Variants in HK1 observed in about 807,000 individuals in gnomAD.
HK1 encodes hexokinase-1.
A neutral mutation model predicts 91.6 loss-of-function variants in HK1; 28 were observed. The observed-to-expected ratio is 0.31, with a 90% CI of 0.23 to 0.42. HK1 has a LOEUF of 0.42. Ranked by LOEUF, HK1 falls within the 10% of genes least tolerant of loss-of-function variation. The pLI is 1.00. For missense variants in HK1, 770 were observed against 1,219.8 expected (o/e 0.63, Z 5.49); for synonymous variants, 430 against 468.1 (o/e 0.92, Z 1.05).
At chr10:69,353,344 T>C (rs1848974081) in intron 2 of HK1, among the ~76,000 whole-genome samples, 1 of 152,148 alleles carries the variant, frequency 6.6e-6, no homozygotes, top group African/African-American at 2.4e-5. Flanking sequence ...ATCCCAGCAT[T>C]TTGGGAGGCC....
rs113783164 is a variant in HK1, at chr10:69,289,928, C to T, written c.-115+1158C>T. Among the ~76,000 whole-genome samples the T allele has an allele frequency of 3.6e-3, 541 of 151,954 alleles. 5 individuals carry two copies. The highest frequency in any genetic ancestry group is 0.012 in the African/African-American group (502 of 41,426). On this transcript the variant is annotated intron_variant, in intron 3 of 21. Coordinates refer to the HK1 transcript ENST00000360289. ...AGCCACTGTGCCCAGCCCAGAAGCC[C>T]GTTCTTACATCTTAAAGAGCTTTGA...
intron 1 of HK1, among the ~76,000 whole-genome samples, chr10:69,334,908 A>T (rs1219616599): frequency 6.6e-6 from 1 of 152,024 alleles, no homozygotes; most frequent in Non-Finnish European, 1.5e-5. Context: ...GGATCATGGC[A>T]TGTGCTCCTG....
At chr10:69,374,420 C>T (rs930912246) in intron 7 of HK1, among the ~76,000 whole-genome samples, 4 of 152,330 alleles carry the variant, frequency 2.6e-5, no homozygotes, top group South Asian at 2.1e-4. Context: ...GTCTGACTGC[C>T]GAGACACCTG....
chr10:69,286,811 G>A (rs1845053844), intron 2 of HK1, among the ~76,000 whole-genome samples: 4 of 152,070 alleles, frequency 2.6e-5, no homozygotes, highest in Non-Finnish European at 4.4e-5. Flanking sequence ...GCCTCCCAAC[G>A]TGCTGGGATT....
rs115615811 is a variant in HK1, at chr10:69,278,301, A to G, written c.-390-4228A>G. Among the ~76,000 whole-genome samples, 733 of 152,274 alleles carry G rather than the reference A, an allele frequency of 4.8e-3. 12 individuals carry two copies. Among genetic ancestry groups the G allele is most frequent in the African/African-American group, 0.017 (710 of 41,542 alleles). ...TGCCTGGCTGGCTTTCCTTGAGAAT[A>G]TGTATATTTAATCTGTATTTTGTCT... On this transcript the variant is annotated intron_variant, in intron 1 of 21. Coordinates refer to the HK1 transcript ENST00000360289.
intron 15 of HK1, 82 bp from the exon 16 acceptor site, chr10:69,394,868 C>T (rs980983674): frequency 7.9e-6 from 11 of 1,393,310 alleles, no homozygotes; most frequent in Admixed American, 5.1e-5. Context: ...CAGTAGGAGA[C>T]GCGGAGTGAC....
At chr10:69,321,658 G>T (rs2132577738) in intron 1 of HK1, among the ~76,000 whole-genome samples, 1 of 152,332 alleles carries the variant, frequency 6.6e-6, no homozygotes, top group East Asian at 1.9e-4. Context: ...AAGTTTTTGG[G>T]ATTGCTTAGA....
At chr10:69,327,824 A>G (rs1217664044) in intron 1 of HK1, among the ~76,000 whole-genome samples, 1 of 152,214 alleles carries the variant, frequency 6.6e-6, no homozygotes, top group Middle Eastern at 3.2e-3. Context: ...AGCTGTGTTT[A>G]AAATTAGCCC....
intron 1 of HK1, among the ~76,000 whole-genome samples, chr10:69,278,287 C>T (rs1205421472): frequency 3.3e-5 from 5 of 152,204 alleles, no homozygotes; most frequent in Admixed American, 1.3e-4. Flanking sequence ...GCCTGGCTGG[C>T]TTTCCTTGAG....
chr10:69,396,534 T>C (rs1245503835), intron 16 of HK1, among the ~76,000 whole-genome samples: 3 of 103,116 alleles, frequency 2.9e-5, no homozygotes, highest in African/African-American at 1.1e-4. Flanking sequence ...ACCACCATTC[T>C]ACTCTCTGTC....
rs761196194 is a variant in HK1, at chr10:69,398,710, G to A, written c.2491G>A (p.Ala831Thr). 3.7e-6 allele frequency: 6 copies of A among 1,613,994 alleles called. No homozygotes were observed. The highest frequency in any genetic ancestry group is 1.3e-5 in the African/African-American group (1 of 74,928). ...GTGCGGGGTGGTGTCCAGGAGGGCC[G>A]CACAGCTGTGTGGCGCAGGCATGGC... is the stretch of plus-strand genomic sequence containing the variant. ...TVCGVVSRRA[A>T]QLCGAGMAAV... The change falls in exon 17 of 18, where the codon GCA (alanine) becomes ACA (threonine). Residue 831 changes from alanine to threonine, a missense_variant. Physicochemically the swap from Ala to Thr is moderately conservative, Grantham distance 58. Around this residue, in one of 7 missense-constraint regions of HK1, gnomAD observed 78 missense variants for 99.0 expected, o/e 0.79. Coordinates refer to ENST00000359426, the MANE Select transcript of HK1 (RefSeq NM_000188.3).
At chr10:69,318,302 C>G (rs1846767370), upstream of HK1, 1 of 863,886 alleles carries the variant, frequency 1.2e-6, no homozygotes, top group African/African-American at 1.8e-5. Context: ...GCGTAGCGTC[C>G]CCGGCTCCCG....
chr10:69,328,280 GTCGGCTCATGT>G (rs1847495987), intron 1 of HK1, among the ~76,000 whole-genome samples: 1 of 152,178 alleles, frequency 6.6e-6, no homozygotes, highest in African/African-American at 2.4e-5. Context: ...GGCAGAAAAT[GTCGGCTCATGT>G]TCATCTTGAG....
At chr10:69,286,740 G>A (rs995264000) in intron 2 of HK1, among the ~76,000 whole-genome samples, 2 of 151,390 alleles carry the variant, frequency 1.3e-5, no homozygotes, top group African/African-American at 4.9e-5. Flanking sequence ...TAGAGAGGGG[G>A]TTTCACCTCG....
rs57741562 is a variant in HK1 at position 69,338,778 on chromosome 10, T to A, written c.64-5049T>A. 7.8e-3 allele frequency: 7,360 copies of A among 939,626 alleles called. 358 individuals carry two copies. In the African/African-American group the frequency reaches 0.11, roughly 14 times the overall value. The allele number at this position is 939,626 out of a possible 1,614,324, so 58.2% of individuals were successfully genotyped here. On this transcript the variant is annotated intron_variant, in intron 1 of 17. Coordinates refer to ENST00000359426, the MANE Select transcript of HK1 (RefSeq NM_000188.3). ...GTGTGAGAGATTGTGTATGTGAGAG[T>A]GTGTGTGTGTAGAGAGAGAGGGAAG...
At chr10:69,399,587 C>T (rs933883139) in intron 17 of HK1, among the ~76,000 whole-genome samples, 8 of 152,044 alleles carry the variant, frequency 5.3e-5, no homozygotes, top group Admixed American at 1.3e-4. Context: ...CTTGGAAGGG[C>T]GGGAGCGGTT....
upstream of HK1, among the ~76,000 whole-genome samples, chr10:69,311,895 A>G (rs577683223): frequency 1.3e-5 from 2 of 152,238 alleles, no homozygotes; most frequent in South Asian, 4.1e-4. Context: ...TCGGCCTCCC[A>G]AAGTGCTGGG....
At chr10:69,299,006 C>A (rs1378327134) in intron 4 of HK1, among the ~76,000 whole-genome samples, 2 of 151,706 alleles carry the variant, frequency 1.3e-5, no homozygotes, top group Non-Finnish European at 2.9e-5. Flanking sequence ...GTGGCATGAT[C>A]TCAGCTCATT....
chr10:69,386,322 G>T lies in HK1; in HGVS notation c.1840-1G>T, dbSNP rs1430826817. On this transcript the variant is annotated splice_acceptor_variant, in intron 12 of 17. Coordinates refer to ENST00000359426, the MANE Select transcript of HK1 (RefSeq NM_000188.3). LOFTEE classifies it high-confidence loss of function. ...CTCTCCTGGTGCTTTTTATGTTGTA[G>T]GGAATCTTGATCACGTGGACAAAGG... The T allele has an allele frequency of 6.2e-7, 1 of 1,613,222 alleles. No homozygotes were observed.
Sources: gnomAD v4.1 joint callset for allele counts (sites outside exome capture counted in the v4.1 genomes callset) on GRCh38, gnomAD v4.1.1 for gene constraint, gnomAD v4.1.1 regional missense constraint, MANE v1.5 for transcripts, NCBI Gene and HGNC (gene_info 2026-07-23, HGNC 2026-07-21) for gene names.